TMTC2: variants seen among roughly 807,000 people sequenced by gnomAD.
TMTC2 encodes the protein transmembrane O-mannosyltransferase targeting cadherins 2, also known as protein O-mannosyl-transferase TMTC2.
A neutral mutation model predicts 82.4 loss-of-function variants in TMTC2; 43 were observed. That is an observed-to-expected ratio of 0.52 (90% confidence interval 0.41 to 0.67). The LOEUF is 0.67. TMTC2 is among the 30% of genes least tolerant of loss of function. The probability of loss-of-function intolerance (pLI) is 0.00; values close to 1 mark genes in which losing one functional copy is unlikely to be tolerated. For missense variants in TMTC2, 919 were observed against 1,012.4 expected, an observed-to-expected ratio of 0.91 and a Z score of 1.25; for synonymous variants, 408 against 381.9, an observed-to-expected ratio of 1.07 and a Z score of -0.80.
At chr12:83,072,861 T>A (rs1883164905) in intron 11 of TMTC2, among the ~76,000 whole-genome samples, 1 of 152,166 alleles carries the variant, frequency 6.6e-6, no homozygotes, top group Admixed American at 6.5e-5. Context: ...AATGCCTTTT[T>A]TCACCGCTTT....
intron 7 of TMTC2, among the ~76,000 whole-genome samples, chr12:82,976,176 T>C (rs1046357187): frequency 1.9e-4 from 29 of 152,164 alleles, no homozygotes; most frequent in Middle Eastern, 3.2e-3. Context: ...TTGATTATTT[T>C]AGTGATTTAT....
chr12:82,770,354 T>C (rs1877222170), intron 1 of TMTC2, among the ~76,000 whole-genome samples: 1 of 152,184 alleles, frequency 6.6e-6, no homozygotes, highest in Non-Finnish European at 1.5e-5. Context: ...GGTTTCAGAT[T>C]TTCAAATATG....
chr12:82,754,986 CTA>C (rs1477143089), intron 1 of TMTC2, among the ~76,000 whole-genome samples: 1 of 152,220 alleles, frequency 6.6e-6, no homozygotes, highest in East Asian at 1.9e-4. Flanking sequence ...TTTCCAAGTG[CTA>C]TCTGAGCAGC....
intron 4 of TMTC2, among the ~76,000 whole-genome samples, chr12:82,951,599 G>T (rs1225776460): frequency 1.3e-5 from 2 of 152,166 alleles, no homozygotes; most frequent in Admixed American, 1.3e-4. Context: ...AAGATTACAG[G>T]TGTGAGCCAC....
At chr12:83,005,892 T>G (rs1682586) in intron 8 of TMTC2, among the ~76,000 whole-genome samples, 119,212 of 152,166 alleles carry the variant, frequency 0.78, 47,742 homozygotes, top group South Asian at 0.93. Flanking sequence ...TCCCAGTCCA[T>G]TCAGCAAAGT....
At chr12:82,731,305 A>T (rs967676810) in intron 1 of TMTC2, among the ~76,000 whole-genome samples, 12 of 152,364 alleles carry the variant, frequency 7.9e-5, no homozygotes, top group African/African-American at 2.9e-4. Flanking sequence ...TAGGTTGCCA[A>T]CGTGGGGCTC....
chr12:82,763,148 G>A (rs1876741272), intron 1 of TMTC2, among the ~76,000 whole-genome samples: 1 of 150,872 alleles, frequency 6.6e-6, no homozygotes, highest in Admixed American at 6.6e-5. Context: ...CCTAAACACT[G>A]TAAAGCAGAC....
At chr12:82,889,163 G>GGGGAA (rs1873262221) in intron 2 of TMTC2, among the ~76,000 whole-genome samples, 1 of 151,560 alleles carries the variant, frequency 6.6e-6, no homozygotes, top group Non-Finnish European at 1.5e-5. Flanking sequence ...TGTAATCCCA[G>GGGGAA]CTACTCGAGA....
chr12:82,926,137 C>T (rs1262731841), intron 3 of TMTC2, among the ~76,000 whole-genome samples: 1 of 152,056 alleles, frequency 6.6e-6, no homozygotes, highest in East Asian at 1.9e-4. Flanking sequence ...TGTGCCAACA[C>T]ACCCAGCTAA....
intron 11 of TMTC2, among the ~76,000 whole-genome samples, chr12:83,081,031 A>G (rs1883446308): frequency 6.6e-6 from 1 of 152,240 alleles, no homozygotes. Flanking sequence ...CTATCCTCTC[A>G]GAGACAGTAA....
chr12:83,075,762 C>T (rs1488966036), intron 11 of TMTC2, among the ~76,000 whole-genome samples: 1 of 152,190 alleles, frequency 6.6e-6, no homozygotes, highest in African/African-American at 2.4e-5. Flanking sequence ...TAGTCCCATC[C>T]TGCCCACATC....
intron 8 of TMTC2, among the ~76,000 whole-genome samples, chr12:83,021,720 A>T (rs967424993): frequency 1.3e-5 from 2 of 152,058 alleles, no homozygotes; most frequent in African/African-American, 2.4e-5. Flanking sequence ...CATTACTTCC[A>T]CTGCTGTCAC....
At chr12:82,729,779 T>C (rs1874674619) in intron 1 of TMTC2, among the ~76,000 whole-genome samples, 1 of 152,222 alleles carries the variant, frequency 6.6e-6, no homozygotes, top group Non-Finnish European at 1.5e-5. Context: ...CTGTGGTAGC[T>C]TTGTTCTTTT....
intron 7 of TMTC2, among the ~76,000 whole-genome samples, chr12:82,980,608 GA>G (rs35145969): frequency 0.95 from 143,403 of 151,330 alleles, 67,988 homozygotes; most frequent in East Asian, 1. Flanking sequence ...TTAGAGACTA[GA>G]AAAAAAAAAT....
At chr12:82,780,669 G>A (rs73356393) in intron 1 of TMTC2, among the ~76,000 whole-genome samples, 2,280 of 152,152 alleles carry the variant, frequency 0.015, 60 homozygotes, top group African/African-American at 0.052. Flanking sequence ...AAATGTTTGC[G>A]TCATGAGAAA....
At chr12:83,049,814 G>A (rs1259551231) in intron 9 of TMTC2, among the ~76,000 whole-genome samples, 1 of 152,076 alleles carries the variant, frequency 6.6e-6, no homozygotes, top group Non-Finnish European at 1.5e-5. Context: ...CTGCAACCTT[G>A]CCAGCATCTG....
intron 1 of TMTC2, among the ~76,000 whole-genome samples, chr12:82,782,803 ACAGTGCCTTTGAGTTACTTCT>A (rs1314339833): frequency 6.6e-6 from 1 of 152,198 alleles, no homozygotes; most frequent in Non-Finnish European, 1.5e-5. Flanking sequence ...TGTGTGATGC[ACAGTGCCTTTGAGTTACTTCT>A]AAGTAGCCTC....
intron 1 of TMTC2, among the ~76,000 whole-genome samples, chr12:82,826,555 T>C (rs1002623209): frequency 6.6e-6 from 1 of 152,244 alleles, no homozygotes; most frequent in African/African-American, 2.4e-5. Flanking sequence ...TCTACTCACA[T>C]AAAAGGACTT....
At chr12:82,718,301 T>C (rs1428296208) in intron 1 of TMTC2, among the ~76,000 whole-genome samples, 3 of 152,170 alleles carry the variant, frequency 2.0e-5, no homozygotes, top group African/African-American at 7.2e-5. Flanking sequence ...TTGCAGGGTA[T>C]TGTGGAAGTT....
Sources: gnomAD v4.1 joint callset for allele counts (sites outside exome capture counted in the v4.1 genomes callset) on GRCh38, gnomAD v4.1.1 for gene constraint, MANE v1.5 for transcripts, NCBI Gene and HGNC (gene_info 2026-07-23, HGNC 2026-07-21) for gene names.